Variants in ZNF474 observed in about 807,000 individuals in gnomAD.
ZNF474 encodes 4933409D10Rik.
For synonymous variants in ZNF474, 192 were observed against 162.2 expected, an observed-to-expected ratio of 1.18 and a Z score of -1.39; for missense variants, 511 against 433.8, an observed-to-expected ratio of 1.18 and a Z score of -1.58.
chr5:122,152,415 T>C lies in ZNF474; in HGVS notation c.425T>C (p.Leu142Pro). Residue 142 changes from leucine to proline, a missense_variant, in exon 2 of 2, where the codon CTC becomes CCC. Physicochemically the swap from Leu to Pro is moderately conservative, Grantham distance 98. Coordinates refer to ENST00000296600, the MANE Select transcript of ZNF474 (RefSeq NM_207317.3). ...RRPEPSKPQS[L>P]SSSGSYSLQA... The stretch of plus-strand genomic sequence containing the variant: ...CCAGAACCCTCCAAACCACAGTCTC[T>C]CAGCAGCAGTGGGTCCTACAGTCTT... 6.2e-7 allele frequency: 1 copy of C among 1,614,188 alleles called. No individual in the cohort carries two copies. Among genetic ancestry groups the C allele is most frequent in the Non-Finnish European group, 8.5e-7 (1 of 1,180,036 alleles).
At chr5:122,148,991 A>C (rs1756088780) in intron 1 of ZNF474, among the ~76,000 whole-genome samples, 1 of 152,076 alleles carries the variant, frequency 6.6e-6, no homozygotes. Flanking sequence ...CGGCCTCCCA[A>C]AGTGCTGGGA....
chr5:122,130,293 G>A (rs1755546432), intron 1 of ZNF474, among the ~76,000 whole-genome samples: 1 of 152,058 alleles, frequency 6.6e-6, no homozygotes, highest in South Asian at 2.1e-4. Context: ...CTCAGTCAGG[G>A]CACGGGACAT....
At chr5:122,145,472 G>A (rs765862591) in intron 1 of ZNF474, among the ~76,000 whole-genome samples, 24 of 152,134 alleles carry the variant, frequency 1.6e-4, no homozygotes, top group Non-Finnish European at 2.6e-4. Flanking sequence ...AACACTCCTG[G>A]TCATCTTTGG....
intron 1 of ZNF474, among the ~76,000 whole-genome samples, chr5:122,144,294 A>G (rs181996065): frequency 1.4e-3 from 210 of 152,320 alleles, no homozygotes; most frequent in African/African-American, 4.8e-3. Context: ...GATTTTCAAT[A>G]TTTAATTAAG....
At position 122,153,338 on chromosome 5, in the gene ZNF474, TG is replaced by T; in HGVS notation, c.*256del. ...CCTGATCCCTGATACAAATAATCCCTGGGAGAGACAGTAATTTGAAAATGAG... is the reference window on the plus strand; with the variant it reads ...CCTGATCCCTGATACAAATAATCCCTGGAGAGACAGTAATTTGAAAATGAG... On this transcript the variant is annotated 3_prime_UTR_variant, in exon 2 of 2. Transcript: ENST00000296600. 4 of 447,662 alleles carry T rather than the reference TG, an allele frequency of 8.9e-6. No individual in the cohort carries two copies. The highest frequency in any genetic ancestry group is 1.6e-5 in the Non-Finnish European group (4 of 248,330). The allele number at this position is 447,662 out of a possible 1,614,324, so 27.7% of individuals were successfully genotyped here. A position where few individuals can be genotyped will look rare whatever the true frequency, so the allele number is the denominator to read the frequency against.
Position 122,146,856 on chromosome 5 carries a change from C to T in ZNF474, c.-212-4923C>T, listed in dbSNP as rs551619265. Among the ~76,000 whole-genome samples the T allele has an allele frequency of 6.6e-5, 10 of 152,286 alleles. No individual in the cohort carries two copies. In the East Asian group the frequency reaches 1.5e-3, roughly 24 times the overall value. On this transcript the variant is annotated intron_variant, in intron 1 of 1. Transcript: ENST00000296600. Reference sequence around the variant, plus strand: ...AAGCGCCAGTCATCACATCCATCTTCGAAGCATCAGTAAGAAGGAAAGGAA... The same window carrying T: ...AAGCGCCAGTCATCACATCCATCTTTGAAGCATCAGTAAGAAGGAAAGGAA...
At chr5:122,141,264 C>G (rs1755837574) in intron 1 of ZNF474, among the ~76,000 whole-genome samples, 1 of 146,050 alleles carries the variant, frequency 6.8e-6, no homozygotes, top group Non-Finnish European at 1.5e-5. Context: ...TATTCTCATG[C>G]TTCAGACACC....
intron 1 of ZNF474, among the ~76,000 whole-genome samples, chr5:122,132,463 T>A (rs1367837233): frequency 1.3e-5 from 2 of 152,198 alleles, no homozygotes; most frequent in East Asian, 3.9e-4. Flanking sequence ...TCTTGCCTTT[T>A]AATTTTCTTA....
rs78993377 is a variant in ZNF474, at chr5:122,140,868, A to G, written c.-212-10911A>G. Among the ~76,000 whole-genome samples the G allele has an allele frequency of 7.2e-3, 1,100 of 152,244 alleles. 15 individuals carry two copies. The highest frequency in any genetic ancestry group is 0.038 in the Middle Eastern group (11 of 292). On this transcript the variant is annotated intron_variant, in intron 1 of 1. Transcript: ENST00000296600. Reference sequence around the variant, plus strand: ...ATGTTCTTGTGCTATTTTACAGTATATTCCAAATTTTATCCTTGCTTTGCT... The same window carrying G: ...ATGTTCTTGTGCTATTTTACAGTATGTTCCAAATTTTATCCTTGCTTTGCT...
At chr5:122,141,101 TTTTATTTTATTTTA>T in intron 1 of ZNF474, among the ~76,000 whole-genome samples, 1 of 13,278 alleles carries the variant, frequency 7.5e-5, no homozygotes, top group African/African-American at 2.5e-4. Context: ...TTATTTTTTA[TTTTATTTTATTTTA>T]TTTTATTTTA....
At chr5:122,141,448 A>G (rs1184051003) in intron 1 of ZNF474, among the ~76,000 whole-genome samples, 4 of 151,708 alleles carry the variant, frequency 2.6e-5, no homozygotes, top group African/African-American at 4.8e-5. Context: ...AGCCGGGACT[A>G]CAGGCATGTG....
chr5:122,151,834 C>G lies in ZNF474; in HGVS notation c.-157C>G, dbSNP rs144256715. ...CTTTCCAACATTCCAGACTGCCGTC[C>G]TGCAATGAAGCTCTGAGTCACGGTC... On this transcript the variant is annotated 5_prime_UTR_variant, in exon 2 of 2. Coordinates refer to ENST00000296600, the MANE Select transcript of ZNF474 (RefSeq NM_207317.3). The G allele has an allele frequency of 8.6e-4, 732 of 848,008 alleles. 6 individuals carry two copies. In the African/African-American group the frequency reaches 0.011, roughly 13 times the overall value. The allele number at this position is 848,008 out of a possible 1,614,324, so 52.5% of individuals were successfully genotyped here.
intron 1 of ZNF474, among the ~76,000 whole-genome samples, chr5:122,131,798 A>G (rs1211802517): frequency 1.3e-5 from 2 of 152,074 alleles, no homozygotes; most frequent in East Asian, 1.9e-4. Flanking sequence ...GTATCTTTTT[A>G]AAAATTATCT....
In ZNF474 at chr5:122,152,364, G is replaced by A. The variant is rs747827472; in HGVS notation, c.374G>A (p.Ser125Asn). 3 of 1,614,152 alleles carry A rather than the reference G, an allele frequency of 1.9e-6. No individual in the cohort carries two copies. Among genetic ancestry groups the A allele is most frequent in the Non-Finnish European group, 2.5e-6 (3 of 1,180,042 alleles). Reference protein sequence around the residue: ...QCLQKWHIENSKLPKHLRRPE... With the variant: ...QCLQKWHIENNKLPKHLRRPE... Reference sequence around the variant, plus strand: ...TTGCAGAAGTGGCATATTGAAAACAGCAAGTTGCCCAAGCATTTGAGGAGG... The same window carrying A: ...TTGCAGAAGTGGCATATTGAAAACAACAAGTTGCCCAAGCATTTGAGGAGG... Residue 125 changes from serine (S) to asparagine (N), a missense_variant, in exon 2 of 2, where the codon AGC becomes AAC. Transcript: ENST00000296600.
chr5:122,139,242 T>C (rs1363756798), intron 1 of ZNF474, among the ~76,000 whole-genome samples: 3 of 152,202 alleles, frequency 2.0e-5, no homozygotes, highest in Non-Finnish European at 4.4e-5. Flanking sequence ...TATTGGGGCA[T>C]TTATGTGTGT....
intron 1 of ZNF474, among the ~76,000 whole-genome samples, chr5:122,143,109 G>A (rs767317855): frequency 6.6e-6 from 1 of 152,130 alleles, no homozygotes; most frequent in African/African-American, 2.4e-5. Flanking sequence ...CCTCCTGGAG[G>A]TGGACAGAAA....
intron 1 of ZNF474, among the ~76,000 whole-genome samples, chr5:122,147,436 A>G (rs1756021265): frequency 6.6e-6 from 1 of 152,234 alleles, no homozygotes; most frequent in African/African-American, 2.4e-5. Flanking sequence ...CAGTTTCGAT[A>G]CATAGGTATA....
Position 122,152,209 on chromosome 5 carries a change from T to C in ZNF474, c.219T>C (p.Ser73=), listed in dbSNP as rs758081957. The C allele has an allele frequency of 6.1e-5, 99 of 1,613,942 alleles. No individual in the cohort carries two copies. The East Asian group carries it at 2.0e-3, about 33-fold the overall frequency. Residue 73 remains serine, a synonymous_variant, in exon 2 of 2, where the codon AGT becomes AGC. Coordinates refer to ENST00000296600, the MANE Select transcript of ZNF474 (RefSeq NM_207317.3). ...CTGTGATACTATCAAAACTGTCAAG[T>C]AGAAGAATTATATCGGAAAGCCAGC... is the stretch of plus-strand genomic sequence containing the variant. ...PGTVILSKLS[S]RRIISESQLS...
intron 1 of ZNF474, among the ~76,000 whole-genome samples, chr5:122,139,733 AT>A (rs1755788047): frequency 6.6e-6 from 1 of 152,224 alleles, no homozygotes; most frequent in African/African-American, 2.4e-5. Context: ...TAAAAGTGAA[AT>A]ATTAAGAAAT....
Sources: gnomAD v4.1 joint callset for allele counts (sites outside exome capture counted in the v4.1 genomes callset) on GRCh38, gnomAD v4.1.1 for gene constraint, MANE v1.5 for transcripts, NCBI Gene and HGNC (gene_info 2026-07-23, HGNC 2026-07-21) for gene names.